The following UGGT2 variants were observed in gnomAD, a reference collection of about 807,000 sequenced individuals.
The protein encoded by UGGT2 is UDP-glucose glycoprotein glucosyltransferase 2, also known as UDP-glucose:glycoprotein glucosyltransferase 2.
UGGT2 carries 180 observed loss-of-function variants against 192.1 expected under a neutral mutation model. The ratio of observed to expected loss-of-function variants is 0.94; its 90% confidence interval spans 0.83 to 1.06. The LOEUF (loss-of-function observed/expected upper bound fraction) is 1.06, where lower values mean the gene tolerates loss of function less well. Ranked by LOEUF, UGGT2 falls within the 50% of genes least tolerant of loss-of-function variation. The pLI is 0.00. For synonymous variants in UGGT2, 580 were observed against 591.0 expected (o/e 0.98, Z 0.27); for missense variants, 1,849 against 1,795.7 (o/e 1.03, Z -0.54).
At chr13:95,871,582 T>C (rs971222938) in intron 29 of UGGT2, among the ~76,000 whole-genome samples, 3 of 152,076 alleles carry the variant, frequency 2.0e-5, no homozygotes, top group Non-Finnish European at 2.9e-5. Flanking sequence ...TGGAGCAGGA[T>C]TGGGTATTTG....
intron 37 of UGGT2, 31 bp from the exon 38 acceptor site, chr13:95,833,084 A>T (rs768859058): frequency 6.2e-7 from 1 of 1,605,100 alleles, no homozygotes; most frequent in Non-Finnish European, 8.5e-7. Flanking sequence ...TGTTAATGAA[A>T]GACCATGCTC....
At chr13:95,982,840 A>G (rs1566791997) in intron 10 of UGGT2, among the ~76,000 whole-genome samples, 2 of 152,206 alleles carry the variant, frequency 1.3e-5, no homozygotes, top group Non-Finnish European at 2.9e-5. Context: ...AAGGTGGTCA[A>G]TGAGGCAAAG....
At chr13:95,922,078 T>G (rs536692001) in intron 20 of UGGT2, among the ~76,000 whole-genome samples, 1 of 152,320 alleles carries the variant, frequency 6.6e-6, no homozygotes, top group African/African-American at 2.4e-5. Flanking sequence ...ATATACACCA[T>G]GGAATACTAC....
chr13:95,998,168 G>C (rs1017504811), intron 6 of UGGT2, among the ~76,000 whole-genome samples: 42 of 152,154 alleles, frequency 2.8e-4, no homozygotes, highest in African/African-American at 1.0e-3. Context: ...AGAATTGACA[G>C]GCGAAGACAT....
chr13:95,992,777 ATGC>A (rs2051498140), intron 7 of UGGT2, among the ~76,000 whole-genome samples: 1 of 152,168 alleles, frequency 6.6e-6, no homozygotes, highest in African/African-American at 2.4e-5. Context: ...AAAGTAACAG[ATGC>A]TGGCAAGGCT....
chr13:95,949,757 T>C (rs1274133124), intron 12 of UGGT2, among the ~76,000 whole-genome samples: 3 of 152,174 alleles, frequency 2.0e-5, no homozygotes, highest in Admixed American at 1.3e-4. Context: ...TTAAGAGAGA[T>C]GAATATTTAT....
chr13:95,977,929 A>G (rs1270147733), intron 10 of UGGT2, among the ~76,000 whole-genome samples: 2 of 152,164 alleles, frequency 1.3e-5, no homozygotes, highest in East Asian at 3.9e-4. Flanking sequence ...ATTCTCAGCA[A>G]ACTAACATAG....
chr13:95,975,677 C>A (rs1025364713), intron 10 of UGGT2, among the ~76,000 whole-genome samples: 1 of 151,990 alleles, frequency 6.6e-6, no homozygotes, highest in African/African-American at 2.4e-5. Flanking sequence ...TGAGCTATTA[C>A]CTGAAGCTAA....
intron 2 of UGGT2, among the ~76,000 whole-genome samples, chr13:96,030,587 A>G (rs893218923): frequency 1.3e-5 from 2 of 152,248 alleles, no homozygotes; most frequent in African/African-American, 4.8e-5. Flanking sequence ...AGGCTTCAGT[A>G]AATGAGCATT....
chr13:96,046,231 G>C (rs2053305666), intron 1 of UGGT2, among the ~76,000 whole-genome samples: 1 of 152,040 alleles, frequency 6.6e-6, no homozygotes, highest in Non-Finnish European at 1.5e-5. Flanking sequence ...AACAAAGTGG[G>C]GAAAGGACAC....
intron 20 of UGGT2, among the ~76,000 whole-genome samples, chr13:95,913,900 G>T (rs1467390770): frequency 1.3e-5 from 2 of 152,174 alleles, no homozygotes; most frequent in Non-Finnish European, 2.9e-5. Flanking sequence ...GGAATACTAT[G>T]CAGCCATAAA....
At chr13:96,004,089 T>G (rs1723497257) in intron 5 of UGGT2, among the ~76,000 whole-genome samples, 1 of 151,570 alleles carries the variant, frequency 6.6e-6, no homozygotes, top group Non-Finnish European at 1.5e-5. Context: ...CAATCAGCAC[T>G]AAGAAACTTA....
At chr13:95,932,776 T>A (rs1314746650) in intron 17 of UGGT2, among the ~76,000 whole-genome samples, 2 of 152,214 alleles carry the variant, frequency 1.3e-5, no homozygotes, top group African/African-American at 4.8e-5. Context: ...CAATGCAGTT[T>A]GTTGAGGGTT....
chr13:95,970,048 T>A, intron 12 of UGGT2, 64 bp downstream of exon 12: 1 of 1,491,262 alleles, frequency 6.7e-7, no homozygotes. Context: ...TGCCGATACT[T>A]CATTTTATGT....
intron 36 of UGGT2, among the ~76,000 whole-genome samples, chr13:95,839,001 G>A (rs956985651): frequency 1.1e-4 from 17 of 151,900 alleles, no homozygotes; most frequent in African/African-American, 4.1e-4. Context: ...CCCCTATATA[G>A]TTATTCTTCT....
At chr13:95,911,191 A>G (rs997491976) in intron 20 of UGGT2, among the ~76,000 whole-genome samples, 5 of 152,220 alleles carry the variant, frequency 3.3e-5, no homozygotes, top group Non-Finnish European at 5.9e-5. Flanking sequence ...GAGAAGCAAG[A>G]GCAAACACAT....
At chr13:95,925,997 T>C (rs1007000668) in intron 19 of UGGT2, among the ~76,000 whole-genome samples, 6 of 152,036 alleles carry the variant, frequency 3.9e-5, no homozygotes, top group Admixed American at 1.3e-4. Context: ...CAAGGGTAAT[T>C]CATTATACAA....
intron 17 of UGGT2, 87 bp downstream of exon 17, chr13:95,936,837 A>T: frequency 1.6e-6 from 2 of 1,246,832 alleles, no homozygotes; most frequent in Non-Finnish European, 1.1e-6. Context: ...TTTTTTACCA[A>T]ATCAACTTCT....
At chr13:95,917,344 T>A (rs1346922104) in intron 20 of UGGT2, among the ~76,000 whole-genome samples, 3 of 151,970 alleles carry the variant, frequency 2.0e-5, no homozygotes, top group Non-Finnish European at 4.4e-5. Context: ...GCTTCATAAG[T>A]GAAGGAGAAA....
Sources: allele counts gnomAD v4.1 joint callset (sites outside exome capture counted in the v4.1 genomes callset), GRCh38; gene constraint gnomAD v4.1.1; transcripts MANE v1.5; gene names NCBI Gene and HGNC (gene_info 2026-07-23, HGNC 2026-07-21).